Variants in ACCS observed in about 807,000 individuals in gnomAD.
The protein encoded by ACCS is 1-aminocyclopropane-1-carboxylate synthase-like protein 1.
A neutral mutation model predicts 59.8 loss-of-function variants in ACCS; 42 were observed. The observed-to-expected ratio is 0.70, with a 90% CI of 0.55 to 0.91. The LOEUF is 0.91. Among genes scored for constraint, ACCS ranks in the 40% least tolerant of loss-of-function variants. ACCS has a pLI of 0.00. For synonymous variants in ACCS, 230 were observed against 240.3 expected (o/e 0.96, Z 0.40); for missense variants, 602 against 630.4 (o/e 0.95, Z 0.48).
chr11:44,074,774 T>TTCTTTCTTTCTTTCTTTCTTTC (rs367633300), intron 5 of ACCS, 93 bp downstream of exon 5: 114 of 385,466 alleles, frequency 3.0e-4, no homozygotes, highest in East Asian at 8.6e-4. Context: ...CTTTCTTTCT[T>TTCTTTCTTTCTTTCTTTCTTTC]TTTCTCTCTC....
chr11:44,078,723 A>G lies in ACCS; in HGVS notation c.772A>G (p.Asn258Asp). The change falls in exon 9 of 15, where the codon AAC becomes GAC. Residue 258 changes from asparagine (N) to aspartate (D), a missense_variant. Physicochemically the swap from Asn to Asp is conservative, Grantham distance 23. Coordinates refer to ENST00000263776, the MANE Select transcript of ACCS (RefSeq NM_032592.4). ...VKGLILISPQ[N>D]PLGDVYSPEE... ...AGGCCTCATCCTCATCAGCCCCCAG[A>G]ACCCTCTGGGTGATGTATACTCCCC... The G allele has an allele frequency of 6.2e-7, 1 of 1,614,096 alleles. No homozygotes were observed. Among genetic ancestry groups the G allele is most frequent in the South Asian group, 1.1e-5 (1 of 91,068 alleles).
intron 3 of ACCS, chr11:44,072,493 A>G (rs1433357205): frequency 6.6e-6 from 1 of 152,144 alleles, no homozygotes; most frequent in Non-Finnish European, 1.5e-5. Flanking sequence ...ACCTAAAGCC[A>G]GCTCCTCCTT....
intron 2 of ACCS, among the ~76,000 whole-genome samples, chr11:44,069,146 TA>T (rs1952927226): frequency 1.3e-5 from 2 of 152,214 alleles, no homozygotes; most frequent in African/African-American, 4.8e-5. Context: ...TCTAGCAAGT[TA>T]AAACAACAAT....
At chr11:44,076,784 G>C (rs1953381989) in intron 6 of ACCS, among the ~76,000 whole-genome samples, 1 of 152,186 alleles carries the variant, frequency 6.6e-6, no homozygotes, top group South Asian at 2.1e-4. Flanking sequence ...CCTGAGACTG[G>C]GTAATTTATA....
At chr11:44,067,403 A>G (rs1394198516) in intron 1 of ACCS, 9 of 495,812 alleles carry the variant, frequency 1.8e-5, no homozygotes, top group Admixed American at 3.7e-5. Flanking sequence ...AGTCACGTCA[A>G]TGTGGCAAGT....
At chr11:44,078,911 G>C (rs117631053) in intron 9 of ACCS, 127 bp downstream of exon 9, 10,563 of 708,722 alleles carry the variant, frequency 0.015, 111 homozygotes, top group Non-Finnish European at 0.018. Context: ...CCCTTCCTTG[G>C]CAGTGGAGCG....
rs1393978029 is a variant in ACCS, at chr11:44,073,482, C to T, written c.384C>T (p.Ser128=). 1.3e-5 allele frequency: 21 copies of T among 1,609,290 alleles called. No homozygotes were observed. The highest frequency in any genetic ancestry group is 1.8e-5 in the Non-Finnish European group (21 of 1,178,076). ...SQRDMQRVEP[S]LLQYADWRGH... ...GCGACATGCAGAGGGTGGAGCCATCCCTGCTGCAGTATGCTGACTGGAGGG... is the reference window on the plus strand; with the variant it reads ...GCGACATGCAGAGGGTGGAGCCATCTCTGCTGCAGTATGCTGACTGGAGGG... The change falls in exon 4 of 15, where the codon TCC becomes TCT. Residue 128 remains serine, a synonymous_variant. Coordinates refer to ENST00000263776, the MANE Select transcript of ACCS (RefSeq NM_032592.4).
intron 2 of ACCS, among the ~76,000 whole-genome samples, chr11:44,070,487 A>AT (rs1952999142): frequency 6.6e-6 from 1 of 152,030 alleles, no homozygotes; most frequent in South Asian, 2.1e-4. Context: ...ACTGCCTTTT[A>AT]TTTTGTCATA....
Position 44,078,686 on chromosome 11 carries a change from T to C in ACCS, c.735T>C (p.Gly245=). The C allele has an allele frequency of 1.2e-6, 2 of 1,613,724 alleles. No homozygotes were observed. Among genetic ancestry groups the C allele is most frequent in the Non-Finnish European group, 1.7e-6 (2 of 1,179,936 alleles). Residue 245 remains glycine (G), a splice_region_variant and synonymous_variant, in exon 9 of 15, where the codon GGT becomes GGC. Coordinates refer to ENST00000263776, the MANE Select transcript of ACCS (RefSeq NM_032592.4). ...CCTGCCCTAACGGATGGTTTCAGGGTGTGAAGGTCAAAGGCCTCATCCTCA... is the reference window on the plus strand; with the variant it reads ...CCTGCCCTAACGGATGGTTTCAGGGCGTGAAGGTCAAAGGCCTCATCCTCA... ...EMALREAHSE[G]VKVKGLILIS...
intron 2 of ACCS, among the ~76,000 whole-genome samples, chr11:44,069,483 C>T (rs1042777119): frequency 1.3e-5 from 2 of 152,126 alleles, no homozygotes; most frequent in Admixed American, 1.3e-4. Flanking sequence ...TCCCAAAGTG[C>T]TGGGATTACA....
Position 44,076,071 on chromosome 11 carries a change from C to A in ACCS, c.556+479C>A, listed in dbSNP as rs1439678263. ...CCTTAAACCAGATGTGGTTTGTCCC[C>A]CAGGGACAGGGGAAGGCCCACCTTC... On this transcript the variant is annotated intron_variant, in intron 6 of 14. Coordinates refer to ENST00000263776, the MANE Select transcript of ACCS (RefSeq NM_032592.4). 3.9e-5 allele frequency among the ~76,000 whole-genome samples: 6 copies of A among 152,182 alleles called. No homozygotes were observed. The East Asian group carries it at 9.6e-4, about 24-fold the overall frequency.
chr11:44,071,407 C>T (rs2134826803), intron 3 of ACCS, 92 bp downstream of exon 3: 3 of 1,459,140 alleles, frequency 2.1e-6, no homozygotes, highest in Admixed American at 1.7e-5. Context: ...CTGCTTGGCT[C>T]AGTGGCCCTG....
intron 2 of ACCS, among the ~76,000 whole-genome samples, chr11:44,069,946 A>G (rs191903311): frequency 1.3e-5 from 2 of 152,372 alleles, no homozygotes; most frequent in Admixed American, 1.3e-4. Context: ...GGAGTAAGCC[A>G]TGCAGTTATC....
intron 10 of ACCS, chr11:44,080,386 G>A (rs1377550317): frequency 6.5e-6 from 1 of 153,508 alleles, no homozygotes; most frequent in African/African-American, 2.4e-5. Context: ...AGTTGATGGA[G>A]CATGGATTGT....
intron 2 of ACCS, 83 bp downstream of exon 2, chr11:44,067,998 A>T: frequency 6.9e-7 from 1 of 1,439,068 alleles, no homozygotes; most frequent in Admixed American, 2.6e-5. Flanking sequence ...GGCAGCATCC[A>T]GCCTGCTCTT....
Position 44,083,492 on chromosome 11 carries a change from G to T in ACCS, c.1323G>T (p.Leu441=), listed in dbSNP as rs139678637. ...LWRRFLDNKV[L]LSFGKAFECK... is the part of the protein sequence containing the mutation. ...GCCGCTTTTTGGACAACAAGGTGCT[G>T]CTGTCCTTTGGCAAGGCCTTCGAGT... Residue 441 remains leucine (L), a synonymous_variant, in exon 14 of 15, where the codon CTG becomes CTT. Coordinates refer to ENST00000263776, the MANE Select transcript of ACCS (RefSeq NM_032592.4). 2 of 1,614,144 alleles carry T rather than the reference G, an allele frequency of 1.2e-6. No individual in the cohort carries two copies. Among genetic ancestry groups the T allele is most frequent in the African/African-American group, 2.7e-5 (2 of 74,940 alleles).
In ACCS at chr11:44,083,312, G is replaced by T; in HGVS notation, c.1254+1G>T. 1.9e-6 allele frequency: 3 copies of T among 1,614,072 alleles called. No individual in the cohort carries two copies. The highest frequency in any genetic ancestry group is 2.5e-6 in the Non-Finnish European group (3 of 1,179,950). ...CTTCATCTGGGTTGACTTGAGAAAG[G>T]TAATGCTGGTGGAGGTGCGGGCTGA... On this transcript the variant is annotated splice_donor_variant, in intron 13 of 14. Coordinates refer to ENST00000263776, the MANE Select transcript of ACCS (RefSeq NM_032592.4). LOFTEE classifies it high-confidence loss of function.
intron 6 of ACCS, among the ~76,000 whole-genome samples, chr11:44,076,273 T>C (rs906745741): frequency 3.3e-5 from 5 of 152,228 alleles, no homozygotes; most frequent in African/African-American, 1.2e-4. Context: ...CCATTCATGG[T>C]AACTTAATTA....
At chr11:44,074,778 C>CTTTTTCTT (rs1565175623) in intron 5 of ACCS, 97 bp downstream of exon 5, 56 of 180,376 alleles carry the variant, frequency 3.1e-4, no homozygotes, top group Middle Eastern at 1.3e-3. Flanking sequence ...CTTTCTTTTT[C>CTTTTTCTT]TCTCTCTCTC....
Sources: gnomAD v4.1 joint callset for allele counts (sites outside exome capture counted in the v4.1 genomes callset) on GRCh38, gnomAD v4.1.1 for gene constraint, MANE v1.5 for transcripts, NCBI Gene and HGNC (gene_info 2026-07-23, HGNC 2026-07-21) for gene names.